CAMK2A: variants seen among roughly 807,000 people sequenced by gnomAD.
The protein encoded by CAMK2A is calcium/calmodulin-dependent protein kinase type II subunit alpha.
Under a neutral mutation model 79.2 loss-of-function variants are expected in CAMK2A, and 7 were observed. The ratio of observed to expected loss-of-function variants is 0.09; its 90% CI spans 0.05 to 0.17. The LOEUF (loss-of-function observed/expected upper bound fraction) is 0.17. Ranked by LOEUF, CAMK2A falls within the 10% of genes least tolerant of loss-of-function variation. The pLI, the probability that CAMK2A is intolerant of heterozygous loss-of-function variation, is 1.00. For synonymous variants in CAMK2A, 242 were observed against 251.7 expected, an observed-to-expected ratio of 0.96 and a Z score of 0.36; for missense variants, 214 against 646.4, an observed-to-expected ratio of 0.33 and a Z score of 7.25.
intron 1 of CAMK2A, among the ~76,000 whole-genome samples, chr5:150,277,721 G>A (rs570641865): frequency 6.6e-6 from 1 of 152,184 alleles, no homozygotes; most frequent in African/African-American, 2.4e-5. Flanking sequence ...CTCAGAGAGA[G>A]GAGTTTCTCA....
intron 6 of CAMK2A, among the ~76,000 whole-genome samples, chr5:150,254,017 C>T (rs114941638): frequency 0.01 from 1,596 of 152,248 alleles, 37 homozygotes; most frequent in East Asian, 0.099. Context: ...TGAAACAGTC[C>T]ATCTTGTTTC....
At chr5:150,228,102 T>A in intron 17 of CAMK2A, 90 bp downstream of exon 17, 1 of 1,147,394 alleles carries the variant, frequency 8.7e-7, no homozygotes, top group Non-Finnish European at 1.3e-6. Context: ...GAGCCGCCCC[T>A]GGGGCCCTGC....
At chr5:150,229,976 G>A (rs1754769193) in intron 16 of CAMK2A, among the ~76,000 whole-genome samples, 1 of 152,072 alleles carries the variant, frequency 6.6e-6, no homozygotes, top group African/African-American at 2.4e-5. Context: ...TGACCTTCTA[G>A]GGGGCTTTGC....
intron 11 of CAMK2A, among the ~76,000 whole-genome samples, chr5:150,248,358 T>C (rs1478742841): frequency 1.3e-5 from 2 of 149,360 alleles, no homozygotes; most frequent in African/African-American, 4.9e-5. Flanking sequence ...TATAATACTT[T>C]AAGTTCTAGG....
At chr5:150,264,841 A>G (rs1562182638) in intron 3 of CAMK2A, 115 bp downstream of exon 3, 1 of 764,962 alleles carries the variant, frequency 1.3e-6, no homozygotes, top group East Asian at 2.5e-5. Context: ...TGCTGCCTCC[A>G]TCCCCAGAGA....
intron 10 of CAMK2A, 147 bp from the exon 11 acceptor site, chr5:150,250,456 T>G (rs1225674583): frequency 1.2e-6 from 1 of 814,468 alleles, no homozygotes; most frequent in African/African-American, 1.7e-5. Context: ...TGCTTCAGGG[T>G]GTTTAGCATC....
chr5:150,249,188 T>C (rs1755716209), intron 11 of CAMK2A, among the ~76,000 whole-genome samples: 1 of 152,248 alleles, frequency 6.6e-6, no homozygotes, highest in Non-Finnish European at 1.5e-5. Context: ...ATCCCCAGCG[T>C]GCTGACGGCT....
intron 17 of CAMK2A, among the ~76,000 whole-genome samples, chr5:150,225,736 T>A (rs1486788891): frequency 6.3e-5 from 2 of 31,684 alleles, no homozygotes; most frequent in East Asian, 1.2e-3. Flanking sequence ...AGAATTCAAT[T>A]GTTATTATTA....
chr5:150,243,703 C>A (rs894553122), intron 13 of CAMK2A, among the ~76,000 whole-genome samples: 1 of 152,222 alleles, frequency 6.6e-6, no homozygotes, highest in Non-Finnish European at 1.5e-5. Flanking sequence ...TACATACCAG[C>A]ACCTTGCTAA....
chr5:150,285,346 G>A (rs890305291), intron 1 of CAMK2A, among the ~76,000 whole-genome samples: 1 of 152,238 alleles, frequency 6.6e-6, no homozygotes, highest in African/African-American at 2.4e-5. Flanking sequence ...CCAAAGTGCT[G>A]TGGATAGGAG....
intron 2 of CAMK2A, among the ~76,000 whole-genome samples, chr5:150,269,563 A>G (rs934330128): frequency 6.6e-6 from 1 of 152,008 alleles, no homozygotes; most frequent in Non-Finnish European, 1.5e-5. Context: ...CATGTTGCCC[A>G]GGCTAGTCTT....
At chr5:150,250,153 T>A in intron 11 of CAMK2A, 73 bp downstream of exon 11, 1 of 1,052,074 alleles carries the variant, frequency 9.5e-7, no homozygotes, top group Non-Finnish European at 1.5e-6. Context: ...AGTGAGCGAG[T>A]CTCCTGGCCT....
At chr5:150,245,297 A>G in intron 12 of CAMK2A, 96 bp from the exon 13 acceptor site, 1 of 1,189,924 alleles carries the variant, frequency 8.4e-7, no homozygotes, top group Non-Finnish European at 1.2e-6. Context: ...GCCGGAGGGC[A>G]GACTGCAGGG....
At chr5:150,282,400 T>C (rs1757252910) in intron 1 of CAMK2A, among the ~76,000 whole-genome samples, 1 of 152,250 alleles carries the variant, frequency 6.6e-6, no homozygotes, top group Non-Finnish European at 1.5e-5. Flanking sequence ...TTCTATTTTC[T>C]CTTTACAGTG....
At chr5:150,280,766 C>T (rs1298389419) in intron 1 of CAMK2A, among the ~76,000 whole-genome samples, 1 of 152,120 alleles carries the variant, frequency 6.6e-6, no homozygotes, top group Non-Finnish European at 1.5e-5. Context: ...TCTGGGTCGC[C>T]GTGCTCTCCC....
chr5:150,257,440 C>A, intron 4 of CAMK2A, 123 bp downstream of exon 4: 1 of 798,480 alleles, frequency 1.3e-6, no homozygotes, highest in Non-Finnish European at 2.1e-6. Context: ...GGGTGGCAGG[C>A]CCACCACATT....
intron 1 of CAMK2A, among the ~76,000 whole-genome samples, chr5:150,282,861 C>G (rs958357722): frequency 6.6e-6 from 1 of 152,226 alleles, no homozygotes; most frequent in Non-Finnish European, 1.5e-5. Flanking sequence ...TCTCTGCTGC[C>G]AGAGCACTAG....
At chr5:150,227,585 G>A (rs922176188) in intron 17 of CAMK2A, among the ~76,000 whole-genome samples, 1 of 152,176 alleles carries the variant, frequency 6.6e-6, no homozygotes, top group Non-Finnish European at 1.5e-5. Flanking sequence ...CCCTGGGTCA[G>A]CCCCAGCCTC....
At chr5:150,259,449 G>C (rs1461112142) in intron 3 of CAMK2A, among the ~76,000 whole-genome samples, 1 of 152,046 alleles carries the variant, frequency 6.6e-6, no homozygotes, top group East Asian at 1.9e-4. Flanking sequence ...TTGAGCCCAG[G>C]GGGCGGAGGG....
Sources: allele counts gnomAD v4.1 joint callset (sites outside exome capture counted in the v4.1 genomes callset), GRCh38; gene constraint gnomAD v4.1.1; transcripts MANE v1.5; gene names NCBI Gene and HGNC (gene_info 2026-07-23, HGNC 2026-07-21).